CHST12: variants seen among roughly 807,000 people sequenced by gnomAD.
CHST12 encodes the protein carbohydrate sulfotransferase 12.
CHST12 carries 23 observed loss-of-function variants against 27.9 expected under a neutral mutation model. The observed-to-expected ratio is 0.82, with a 90% CI of 0.59 to 1.17. The LOEUF (loss-of-function observed/expected upper bound fraction) is 1.17. Among genes scored for constraint, CHST12 ranks in the 50% most tolerant of loss-of-function variants. The pLI, the probability that CHST12 is intolerant of heterozygous loss-of-function variation, is 0.00. For synonymous variants in CHST12, 322 were observed against 273.0 expected, an observed-to-expected ratio of 1.18 and a Z score of -1.77; for missense variants, 682 against 603.0, an observed-to-expected ratio of 1.13 and a Z score of -1.37.
intron 1 of CHST12, among the ~76,000 whole-genome samples, chr7:2,405,646 A>G (rs1206001990): frequency 6.6e-6 from 1 of 151,872 alleles, no homozygotes; most frequent in Non-Finnish European, 1.5e-5. Context: ...TGGGGCAGTG[A>G]GAGAGTGGGG....
chr7:2,421,469 C>G (rs1490402923), intron 1 of CHST12, among the ~76,000 whole-genome samples: 1 of 148,104 alleles, frequency 6.8e-6, no homozygotes, highest in Admixed American at 6.8e-5. Flanking sequence ...CGGAGTCTCG[C>G]TCTGTTGCCC....
At chr7:2,415,442 A>G (rs1253468939) in intron 1 of CHST12, among the ~76,000 whole-genome samples, 3 of 152,186 alleles carry the variant, frequency 2.0e-5, no homozygotes, top group Non-Finnish European at 4.4e-5. Flanking sequence ...CTAAGAAACA[A>G]TGTACATACG....
intron 1 of CHST12, among the ~76,000 whole-genome samples, chr7:2,428,467 T>C (rs536049908): frequency 4.6e-5 from 7 of 152,234 alleles, no homozygotes; most frequent in African/African-American, 1.4e-4. Context: ...GGTCGAGAAA[T>C]AATAGACACA....
At chr7:2,408,255 A>G (rs906129962) in intron 1 of CHST12, among the ~76,000 whole-genome samples, 3 of 151,262 alleles carry the variant, frequency 2.0e-5, no homozygotes, top group Non-Finnish European at 2.9e-5. Flanking sequence ...CCAGCTGCCC[A>G]GGAGGCTGAG....
intron 1 of CHST12, among the ~76,000 whole-genome samples, chr7:2,423,507 C>A (rs1447731404): frequency 6.6e-6 from 1 of 152,076 alleles, no homozygotes; most frequent in Non-Finnish European, 1.5e-5. Context: ...GTAGTGGGGT[C>A]ATTGCCTTTC....
chr7:2,404,438 G>T (rs1781467332), intron 1 of CHST12, among the ~76,000 whole-genome samples: 1 of 152,224 alleles, frequency 6.6e-6, no homozygotes, highest in Non-Finnish European at 1.5e-5. Context: ...TAGTTCATAA[G>T]CGGGGCTGTG....
intron 1 of CHST12, among the ~76,000 whole-genome samples, chr7:2,426,213 G>A (rs543667457): frequency 6.6e-6 from 1 of 152,286 alleles, no homozygotes; most frequent in South Asian, 2.1e-4. Context: ...GGTGGCCCAG[G>A]GTTGCCCCAG....
intron 1 of CHST12, among the ~76,000 whole-genome samples, chr7:2,415,933 A>G (rs1423190262): frequency 2.0e-5 from 3 of 152,162 alleles, no homozygotes; most frequent in Non-Finnish European, 4.4e-5. Flanking sequence ...TTAAGACAAC[A>G]ATGAAGTGTG....
Position 2,434,642 on chromosome 7 carries a change from T to C in CHST12, c.*758T>C, listed in dbSNP as rs1290716229. 7.3e-6 allele frequency: 1 copy of C among 136,682 alleles called. No individual in the cohort carries two copies. The highest frequency in any genetic ancestry group is 1.5e-5 in the Non-Finnish European group (1 of 66,188). The allele number at this position is 136,682 out of a possible 1,614,324, so 8.5% of individuals were successfully genotyped here. ...TGAGTCGGGTGTGGTGGTGTGCACCTGTAGTCCCAGCTACTCAGGAGTTCT... is the reference window on the plus strand; with the variant it reads ...TGAGTCGGGTGTGGTGGTGTGCACCCGTAGTCCCAGCTACTCAGGAGTTCT... On this transcript the variant is annotated 3_prime_UTR_variant, in exon 2 of 2. Coordinates refer to ENST00000618655, the MANE Select transcript of CHST12 (RefSeq NM_018641.5).
At chr7:2,422,198 T>C (rs992225241) in intron 1 of CHST12, among the ~76,000 whole-genome samples, 5 of 152,112 alleles carry the variant, frequency 3.3e-5, no homozygotes, top group Non-Finnish European at 7.4e-5. Context: ...AACTTCCCTC[T>C]CAAGTTGTTT....
intron 1 of CHST12, among the ~76,000 whole-genome samples, chr7:2,412,738 G>C (rs4721695): frequency 0.16 from 23,872 of 152,178 alleles, 2,093 homozygotes; most frequent in African/African-American, 0.24. Flanking sequence ...AACACTGCTA[G>C]CTATGTAGAC....
Position 2,444,946 on chromosome 7 carries a change from A to T in CHST12, c.*11062A>T, listed in dbSNP as rs559105064. 6.6e-6 allele frequency: 1 copy of T among 152,232 alleles called. No individual in the cohort carries two copies. Among genetic ancestry groups the T allele is most frequent in the South Asian group, 2.1e-4 (1 of 4,818 alleles). The allele number at this position is 152,232 out of a possible 1,614,324, so 9.4% of individuals were successfully genotyped here. Reference sequence around the variant, plus strand: ...ACCGGGGCCTTAAAAAACAATCTGGATGAAATGGTTTTTGCCATTTCAATT... The same window carrying T: ...ACCGGGGCCTTAAAAAACAATCTGGTTGAAATGGTTTTTGCCATTTCAATT... On this transcript the variant is annotated 3_prime_UTR_variant, in exon 2 of 2. Coordinates refer to ENST00000618655, the MANE Select transcript of CHST12 (RefSeq NM_018641.5).
intron 1 of CHST12, among the ~76,000 whole-genome samples, chr7:2,419,158 C>T (rs1310347344): frequency 1.3e-5 from 2 of 152,126 alleles, no homozygotes; most frequent in African/African-American, 4.8e-5. Flanking sequence ...CCTGTATTCC[C>T]ATCACTTTGG....
At position 2,403,617 on chromosome 7, in the gene CHST12, G is replaced by C. The variant is rs928317022; in HGVS notation, c.-134G>C. The C allele has an allele frequency of 1.3e-5, 2 of 152,670 alleles. No homozygotes were observed. The highest frequency in any genetic ancestry group is 1.8e-4 in the South Asian group (1 of 5,690). 9.5% of individuals were successfully genotyped at this position (152,670 alleles called of 1,614,324 possible). ...TGCCTCTGGGGGGTCCGCTAGTCGC[G>C]GGGCGGCGGCGGCGGCTGCGGGCGC... is the stretch of plus-strand genomic sequence containing the variant. On this transcript the variant is annotated 5_prime_UTR_variant, in exon 1 of 2. Coordinates refer to ENST00000618655, the MANE Select transcript of CHST12 (RefSeq NM_018641.5).
intron 1 of CHST12, among the ~76,000 whole-genome samples, chr7:2,415,165 G>T (rs1781771627): frequency 6.6e-6 from 1 of 152,182 alleles, no homozygotes; most frequent in South Asian, 2.1e-4. Flanking sequence ...AGGAGTTCAA[G>T]ACCAGCCTGG....
intron 1 of CHST12, among the ~76,000 whole-genome samples, chr7:2,407,158 A>G (rs968981203): frequency 2.0e-5 from 3 of 152,228 alleles, no homozygotes. Context: ...GAAAAAAGAA[A>G]CGGAAAGGAT....
chr7:2,429,124 C>G (rs908596289), intron 1 of CHST12, among the ~76,000 whole-genome samples: 2 of 152,234 alleles, frequency 1.3e-5, no homozygotes, highest in Non-Finnish European at 2.9e-5. Flanking sequence ...GGAAGCATAT[C>G]ACGTGCTGTT....
intron 1 of CHST12, among the ~76,000 whole-genome samples, chr7:2,418,497 C>A (rs1288557832): frequency 6.6e-6 from 1 of 152,212 alleles, no homozygotes; most frequent in African/African-American, 2.4e-5. Flanking sequence ...CCTCTGCGTG[C>A]TCTGCTTCAA....
chr7:2,437,199 A>C lies in CHST12; in HGVS notation c.*3315A>C, dbSNP rs1197320069. The C allele has an allele frequency of 6.6e-6, 1 of 152,266 alleles. No individual in the cohort carries two copies. Among genetic ancestry groups the C allele is most frequent in the Admixed American group, 6.5e-5 (1 of 15,288 alleles). 9.4% of individuals were successfully genotyped at this position (152,266 alleles called of 1,614,324 possible). ...ATCCTCCAGCTGTGTCCACACTTTG[A>C]GCACAGTCATGAGAATGACTTGGTT... On this transcript the variant is annotated 3_prime_UTR_variant, in exon 2 of 2. Transcript: ENST00000618655.
Sources: allele counts gnomAD v4.1 joint callset (sites outside exome capture counted in the v4.1 genomes callset), GRCh38; gene constraint gnomAD v4.1.1; transcripts MANE v1.5; gene names NCBI Gene and HGNC (gene_info 2026-07-23, HGNC 2026-07-21).